Variants in RYR3 observed in about 807,000 individuals in gnomAD.
RYR3 encodes the protein ryanodine receptor 3.
Under a neutral mutation model 584.3 loss-of-function variants are expected in RYR3, and 207 were observed. That is an observed-to-expected ratio of 0.35 (90% CI 0.32 to 0.40). The LOEUF is 0.40. RYR3 is among the 10% of genes least tolerant of loss of function. RYR3 has a pLI of 1.00. For synonymous variants in RYR3, 2,416 were observed against 2,248.5 expected, an observed-to-expected ratio of 1.07 and a Z score of -2.11; for missense variants, 5,616 against 6,089.2, an observed-to-expected ratio of 0.92 and a Z score of 2.59.
Position 33,788,419 on chromosome 15 carries a change from C to G in RYR3, c.9791C>G (p.Ala3264Gly), listed in dbSNP as rs1435071770. 4.3e-6 allele frequency: 7 copies of G among 1,613,804 alleles called. No homozygotes were observed. ...EFAVLCRDLY[A>G]FYPMLIRYVD... ...GCGGTCCTCTGCAGAGATCTCTATG[C>G]CTTCTACCCCATGCTGATCCGCTAC... Residue 3264 changes from alanine to glycine, a missense_variant, in exon 67 of 104, where the codon GCC (alanine) becomes GGC (glycine). Coordinates refer to ENST00000634891, the MANE Select transcript of RYR3 (RefSeq NM_001036.6).
intron 16 of RYR3, among the ~76,000 whole-genome samples, chr15:33,587,903 G>A (rs117790508): frequency 2.0e-5 from 3 of 152,162 alleles, no homozygotes; most frequent in Non-Finnish European, 4.4e-5. Flanking sequence ...CTTCATCTTT[G>A]CTTGGAAAAT....
At chr15:33,348,802 A>C (rs971317891) in intron 1 of RYR3, among the ~76,000 whole-genome samples, 2 of 152,078 alleles carry the variant, frequency 1.3e-5, no homozygotes, top group East Asian at 3.9e-4. Flanking sequence ...AATTGCATGC[A>C]TTAAGTTTCA....
In RYR3 at chr15:33,840,882, G is replaced by A. The variant is rs375080799; in HGVS notation, c.13036G>A (p.Asp4346Asn). Residue 4346 changes from aspartate (D) to asparagine (N), a missense_variant and splice_region_variant, in exon 90 of 104, where the codon GAC becomes AAC. Physicochemically the swap from Asp to Asn is conservative, Grantham distance 23. Around this residue, in one of 9 missense-constraint regions of RYR3, gnomAD observed 918 missense variants for 887.4 expected, o/e 1.03. Transcript: ENST00000634891. ...AGGAAAAGTAGAATCCGAGAAGGCAGAGTAAGTTCTTGGTAGCATCAACTA... is the reference window on the plus strand; with the variant it reads ...AGGAAAAGTAGAATCCGAGAAGGCAAAGTAAGTTCTTGGTAGCATCAACTA... ...AEGKVESEKA[D>N]MEDGEKEDKD... 4.3e-6 allele frequency: 7 copies of A among 1,613,630 alleles called. No individual in the cohort carries two copies. The highest frequency in any genetic ancestry group is 2.2e-5 in the South Asian group (2 of 90,984).
At chr15:33,852,673 T>G in intron 94 of RYR3, 1 of 190,770 alleles carries the variant, frequency 5.2e-6, no homozygotes. Context: ...TAGTGACTCA[T>G]TGAATGGAAT....
chr15:33,499,294 C>G (rs2051739243), intron 2 of RYR3, among the ~76,000 whole-genome samples: 1 of 151,272 alleles, frequency 6.6e-6, no homozygotes, highest in South Asian at 2.1e-4. Context: ...CTCCCCATCT[C>G]TCCCTCCTCC....
At position 33,788,741 on chromosome 15, in the gene RYR3, C is replaced by T. The variant is rs565018749; in HGVS notation, c.9830+283C>T. Among the ~76,000 whole-genome samples the T allele has an allele frequency of 7.9e-5, 12 of 152,292 alleles. No homozygotes were observed. The South Asian group carries it at 1.0e-3, about 13-fold the overall frequency. ...TGGTCAAATAAAGGTAGCAGTGACC[C>T]ACTTCTGCCCCTCTGCTGTTCACTA... On this transcript the variant is annotated intron_variant, in intron 67 of 103. Coordinates refer to ENST00000634891, the MANE Select transcript of RYR3 (RefSeq NM_001036.6).
rs532019752 is a variant in RYR3 at position 33,485,904 on chromosome 15, A to G, written c.171+12366A>G. Among the ~76,000 whole-genome samples the G allele has an allele frequency of 1.1e-4, 16 of 152,312 alleles. No individual in the cohort carries two copies. In the South Asian group the frequency reaches 3.3e-3, roughly 32 times the overall value. On this transcript the variant is annotated intron_variant, in intron 2 of 103. Coordinates refer to ENST00000634891, the MANE Select transcript of RYR3 (RefSeq NM_001036.6). Reference sequence around the variant, plus strand: ...GGAATTTAAGTTGAATGAGGAAAGAACAAAAGATAGGAGTGAAAATGTATA... The same window carrying G: ...GGAATTTAAGTTGAATGAGGAAAGAGCAAAAGATAGGAGTGAAAATGTATA...
intron 91 of RYR3, among the ~76,000 whole-genome samples, chr15:33,843,163 C>T (rs1291338136): frequency 1.3e-5 from 2 of 151,688 alleles, no homozygotes; most frequent in African/African-American, 4.8e-5. Flanking sequence ...AGTAAAAAAA[C>T]AAAAAAATTA....
intron 98 of RYR3, 58 bp downstream of exon 98, chr15:33,854,970 A>G: frequency 6.7e-7 from 1 of 1,502,550 alleles, no homozygotes; most frequent in Non-Finnish European, 9.0e-7. Context: ...GAAAAAAAGA[A>G]CAGCAGGTAG....
At chr15:33,738,282 G>A (rs2069707864) in intron 49 of RYR3, among the ~76,000 whole-genome samples, 168 bp from the exon 50 acceptor site, 1 of 152,176 alleles carries the variant, frequency 6.6e-6, no homozygotes, top group African/African-American at 2.4e-5. Context: ...CTTGAGAGCA[G>A]ACTGTTCCCA....
At chr15:33,805,558 A>G (rs1272126846) in intron 69 of RYR3, among the ~76,000 whole-genome samples, 1 of 150,768 alleles carries the variant, frequency 6.6e-6, no homozygotes, top group East Asian at 2.0e-4. Flanking sequence ...GCTCACTGCA[A>G]GCTCCGCCTC....
At chr15:33,316,081 C>A (rs370440285) in intron 1 of RYR3, among the ~76,000 whole-genome samples, 1 of 151,708 alleles carries the variant, frequency 6.6e-6, no homozygotes. Context: ...ATATTGGTTT[C>A]TCCAGCTCCT....
chr15:33,316,327 G>A (rs1007288056), intron 1 of RYR3, among the ~76,000 whole-genome samples: 4 of 152,024 alleles, frequency 2.6e-5, no homozygotes, highest in African/African-American at 9.7e-5. Flanking sequence ...TTTTAACTTA[G>A]AAGCCATCAA....
At chr15:33,857,936 GGCC>G (rs2079869760) in intron 99 of RYR3, 22 bp downstream of exon 99, 1 of 1,379,300 alleles carries the variant, frequency 7.3e-7, no homozygotes, top group African/African-American at 3.6e-5. Flanking sequence ...CCCACTGCGG[GGCC>G]AGCCCACCCA....
intron 67 of RYR3, among the ~76,000 whole-genome samples, chr15:33,792,435 C>T (rs530589716): frequency 6.6e-6 from 1 of 152,200 alleles, no homozygotes; most frequent in African/African-American, 2.4e-5. Flanking sequence ...CACACTGACT[C>T]TGTGCACCTT....
chr15:33,814,633 T>TCA (rs1397742447), intron 74 of RYR3, among the ~76,000 whole-genome samples: 1 of 152,118 alleles, frequency 6.6e-6, no homozygotes, highest in Non-Finnish European at 1.5e-5. Context: ...GCGCAGTGGC[T>TCA]CACTCCTGTA....
intron 39 of RYR3, 90 bp downstream of exon 39, chr15:33,696,581 A>G: frequency 7.6e-7 from 1 of 1,321,290 alleles, no homozygotes; most frequent in Non-Finnish European, 1.0e-6. Context: ...GTGGAATCAA[A>G]TCATATTAAA....
intron 1 of RYR3, among the ~76,000 whole-genome samples, chr15:33,419,021 G>A (rs183912354): frequency 7.9e-5 from 12 of 152,252 alleles, no homozygotes; most frequent in Non-Finnish European, 1.3e-4. Flanking sequence ...GGTGTGGTAT[G>A]GTGTACAGCC....
At chr15:33,456,991 C>T (rs1012460479) in intron 1 of RYR3, among the ~76,000 whole-genome samples, 7 of 152,078 alleles carry the variant, frequency 4.6e-5, no homozygotes, top group Non-Finnish European at 1.0e-4. Flanking sequence ...TTGTGTTCGA[C>T]AAATAGGTAG....
Sources: allele counts gnomAD v4.1 joint callset (sites outside exome capture counted in the v4.1 genomes callset), GRCh38; gene constraint gnomAD v4.1.1; regional missense constraint gnomAD v4.1.1; transcripts MANE v1.5; gene names NCBI Gene and HGNC (gene_info 2026-07-23, HGNC 2026-07-21).